ZFHX3: variants seen among roughly 807,000 people sequenced by gnomAD.
ZFHX3 encodes the protein zinc finger homeobox 3, also known as zinc finger homeobox protein 3.
Under a neutral mutation model 279.1 loss-of-function variants are expected in ZFHX3, and 42 were observed. The observed-to-expected ratio is 0.15, with a 90% CI of 0.12 to 0.19. The LOEUF (loss-of-function observed/expected upper bound fraction) is 0.19. Ranked by LOEUF, ZFHX3 falls within the 10% of genes least tolerant of loss-of-function variation. The pLI is 1.00. For synonymous variants in ZFHX3, 2,293 were observed against 1,957.8 expected (o/e 1.17, Z -4.52); for missense variants, 4,981 against 4,754.0 (o/e 1.05, Z -1.40).
chr16:72,975,125 A>T (rs7199343), intron 1 of ZFHX3, among the ~76,000 whole-genome samples: 40,224 of 152,044 alleles, frequency 0.26, 5,867 homozygotes, highest in Admixed American at 0.34. Flanking sequence ...TTTGTTTGAA[A>T]GACTTCCAAA....
At chr16:73,142,353 G>C (rs1463753830) in intron 6 of ZFHX3, among the ~76,000 whole-genome samples, 1 of 152,168 alleles carries the variant, frequency 6.6e-6, no homozygotes, top group Non-Finnish European at 1.5e-5. Context: ...AATCAGGGCT[G>C]TCGGATCACA....
At chr16:72,812,130 G>A in intron 5 of ZFHX3, 92 bp from the exon 6 acceptor site, 1 of 1,499,002 alleles carries the variant, frequency 6.7e-7, no homozygotes, top group Non-Finnish European at 8.9e-7. Context: ...TTCATTTATA[G>A]CACAGGATTT....
Position 72,796,129 on chromosome 16 carries a change from G to T in ZFHX3, c.6553C>A (p.Pro2185Thr). ...AACCAGTGCTTGATCACTTTCTGGGGCAACCCGGACTTGTCTGCCATCTCT... is the reference window on the plus strand; with the variant it reads ...AACCAGTGCTTGATCACTTTCTGGGTCAACCCGGACTTGTCTGCCATCTCT... ...IKEMADKSGL[P>T]QKVIKHWFRN... Residue 2185 changes from proline to threonine, a missense_variant, in exon 9 of 10, where the codon CCC (proline) becomes ACC (threonine). Coordinates refer to ENST00000268489, the MANE Select transcript of ZFHX3 (RefSeq NM_006885.4). 6.2e-7 allele frequency: 1 copy of T among 1,614,168 alleles called. No homozygotes were observed.
At chr16:73,580,061 A>G (rs928110111) in intron 2 of ZFHX3, among the ~76,000 whole-genome samples, 9 of 150,804 alleles carry the variant, frequency 6.0e-5, no homozygotes, top group African/African-American at 2.2e-4. Flanking sequence ...TGTTATAAAT[A>G]TTAAATGAAA....
chr16:72,948,801 T>A (rs773282779), intron 3 of ZFHX3, among the ~76,000 whole-genome samples: 1 of 152,206 alleles, frequency 6.6e-6, no homozygotes, highest in East Asian at 1.9e-4. Flanking sequence ...CCTTTGGAAA[T>A]TCTTTTTTCC....
At chr16:73,501,040 A>G (rs1390859647) in intron 2 of ZFHX3, among the ~76,000 whole-genome samples, 1 of 152,258 alleles carries the variant, frequency 6.6e-6, no homozygotes, top group Admixed American at 6.5e-5. Flanking sequence ...ACACAGGGGT[A>G]CCACTTTTTA....
At chr16:73,873,265 T>TGGTGGTGGTGGGTGGTG (rs1429776234) in intron 1 of ZFHX3, among the ~76,000 whole-genome samples, 1 of 11,006 alleles carries the variant, frequency 9.1e-5, no homozygotes, top group African/African-American at 3.4e-4. Context: ...CGGTGGATGG[T>TGGTGGTGGTGGGTGGTG]GGTGGTGGTG....
rs2035367104 is a variant in ZFHX3 at position 72,786,333 on chromosome 16, T to G, written c.*831A>C. ...TCAACACCAAAAATGGTCATATCTATCATAAATACAGAAAGTCAGTTTTTA... is the reference window on the plus strand; with the variant it reads ...TCAACACCAAAAATGGTCATATCTAGCATAAATACAGAAAGTCAGTTTTTA... On this transcript the variant is annotated 3_prime_UTR_variant, in exon 10 of 10. Transcript: ENST00000268489. 1 of 151,672 alleles carries G rather than the reference T, an allele frequency of 6.6e-6. No individual in the cohort carries two copies. The highest frequency in any genetic ancestry group is 1.5e-5 in the Non-Finnish European group (1 of 67,850). 9.4% of individuals were successfully genotyped at this position (151,672 alleles called of 1,614,324 possible). A position where few individuals can be genotyped will look rare whatever the true frequency, so the allele number is the denominator to read the frequency against.
At chr16:73,719,583 T>C (rs745690701) in intron 1 of ZFHX3, among the ~76,000 whole-genome samples, 34 of 152,236 alleles carry the variant, frequency 2.2e-4, no homozygotes, top group Non-Finnish European at 4.3e-4. Context: ...TGAAATCTTG[T>C]ATGAGTCAGG....
Position 72,950,578 on chromosome 16 carries a change from T to G in ZFHX3, c.3107A>C (p.Asn1036Thr). The change falls in exon 3 of 10, where the codon AAC becomes ACC. Residue 1036 changes from asparagine (N) to threonine (T), a missense_variant. Coordinates refer to ENST00000268489, the MANE Select transcript of ZFHX3 (RefSeq NM_006885.4). ...GGCGTTGCACTTGAGGTGCACGGGGTTGCCGATGGCCACACACTTGAGCCT... is the reference window on the plus strand; with the variant it reads ...GGCGTTGCACTTGAGGTGCACGGGGGTGCCGATGGCCACACACTTGAGCCT... The part of the protein sequence containing the change: ...EWRLKCVAIG[N>T]PVHLKCNACD... 2 of 1,614,090 alleles carry G rather than the reference T, an allele frequency of 1.2e-6. No homozygotes were observed. Among genetic ancestry groups the G allele is most frequent in the Non-Finnish European group, 1.7e-6 (2 of 1,180,016 alleles).
intron 2 of ZFHX3, among the ~76,000 whole-genome samples, chr16:73,494,745 T>A (rs1275853362): frequency 2.0e-5 from 3 of 151,986 alleles, no homozygotes; most frequent in African/African-American, 7.2e-5. Flanking sequence ...TTTTTTTATT[T>A]TTAGCAGAGA....
chr16:73,214,432 A>C (rs1036838385), intron 5 of ZFHX3, among the ~76,000 whole-genome samples: 3 of 152,124 alleles, frequency 2.0e-5, no homozygotes, highest in African/African-American at 7.2e-5. Context: ...ATTCATTGCA[A>C]AAAAAAGGAG....
chr16:73,275,575 G>T (rs182430733), intron 4 of ZFHX3, among the ~76,000 whole-genome samples: 2 of 152,252 alleles, frequency 1.3e-5, no homozygotes, highest in East Asian at 3.9e-4. Flanking sequence ...ATTCCAGACT[G>T]CCTCAATAAA....
chr16:73,505,634 TGGTC>T (rs1597361956), intron 2 of ZFHX3, among the ~76,000 whole-genome samples: 1 of 152,106 alleles, frequency 6.6e-6, no homozygotes. Context: ...GAAACAATTC[TGGTC>T]TAAAGGAGCC....
At chr16:72,829,727 G>A in intron 5 of ZFHX3, 52 bp downstream of exon 5, 8 of 1,593,408 alleles carry the variant, frequency 5.0e-6, no homozygotes, top group Non-Finnish European at 6.9e-6. Flanking sequence ...AGATGAGAAG[G>A]CTCAAGGACA....
chr16:73,104,221 G>GTATTTATGTATT (rs142056511), intron 7 of ZFHX3, among the ~76,000 whole-genome samples: 3 of 151,506 alleles, frequency 2.0e-5, no homozygotes, highest in African/African-American at 7.3e-5. Flanking sequence ...TTTATTTTAT[G>GTATTTATGTATT]TATTTATTTA....
chr16:72,958,577 A>G lies in ZFHX3; in HGVS notation c.1569T>C (p.Leu523=). Residue 523 remains leucine (L), a synonymous_variant, in exon 2 of 10, where the codon CTT becomes CTC. Transcript: ENST00000268489. The part of the protein sequence containing the change: ...AAAGSSSKKD[L]ALSNQSISNS... The stretch of plus-strand genomic sequence containing the variant: ...TAGAAATGCTTTGGTTTGAGAGAGC[A>G]AGGTCCTTTTTGCTGCTACTACCTG... The G allele has an allele frequency of 1.9e-6, 3 of 1,614,070 alleles. No homozygotes were observed. The South Asian group carries it at 3.3e-5, about 18-fold the overall frequency.
chr16:73,350,674 A>C (rs747966164), intron 3 of ZFHX3, among the ~76,000 whole-genome samples: 1 of 152,218 alleles, frequency 6.6e-6, no homozygotes, highest in Non-Finnish European at 1.5e-5. Context: ...CTTCTCCTGC[A>C]TCCTGACCCT....
intron 4 of ZFHX3, among the ~76,000 whole-genome samples, chr16:72,860,364 CT>C (rs906939975): frequency 6.6e-6 from 1 of 152,176 alleles, no homozygotes; most frequent in Non-Finnish European, 1.5e-5. Context: ...GCTTTCCCCC[CT>C]CTTTCCTTTC....
Sources: allele counts gnomAD v4.1 joint callset (sites outside exome capture counted in the v4.1 genomes callset), GRCh38; gene constraint gnomAD v4.1.1; transcripts MANE v1.5; gene names NCBI Gene and HGNC (gene_info 2026-07-23, HGNC 2026-07-21).